Variants in VTI1A observed in about 807,000 individuals in gnomAD.
The protein encoded by VTI1A is vesicle transport through interaction with t-SNAREs homolog 1A.
A neutral mutation model predicts 34.9 loss-of-function variants in VTI1A; 22 were observed. The observed-to-expected ratio is 0.63, with a 90% CI of 0.45 to 0.90. The LOEUF is 0.90. Ranked by LOEUF, VTI1A falls within the 40% of genes least tolerant of loss-of-function variation. The pLI is 0.00. For synonymous variants in VTI1A, 87 were observed against 97.3 expected, an observed-to-expected ratio of 0.89 and a Z score of 0.62; for missense variants, 268 against 275.6, an observed-to-expected ratio of 0.97 and a Z score of 0.20.
At chr10:112,493,197 T>C (rs1848896109) in intron 3 of VTI1A, among the ~76,000 whole-genome samples, 1 of 152,212 alleles carries the variant, frequency 6.6e-6, no homozygotes, top group South Asian at 2.1e-4. Flanking sequence ...TTTGTGAAAT[T>C]TATTTCTAAA....
At chr10:112,764,630 G>A (rs929476489) in intron 7 of VTI1A, among the ~76,000 whole-genome samples, 8 of 152,140 alleles carry the variant, frequency 5.3e-5, no homozygotes, top group Non-Finnish European at 1.2e-4. Flanking sequence ...ATATATACCT[G>A]TATAAATATA....
chr10:112,623,149 T>C (rs1035181635), intron 5 of VTI1A, among the ~76,000 whole-genome samples: 1 of 152,204 alleles, frequency 6.6e-6, no homozygotes, highest in Non-Finnish European at 1.5e-5. Flanking sequence ...GCATGAGAGA[T>C]ATGTAGATCT....
intron 5 of VTI1A, among the ~76,000 whole-genome samples, chr10:112,618,908 A>C (rs1845625522): frequency 6.6e-6 from 1 of 152,122 alleles, no homozygotes; most frequent in South Asian, 2.1e-4. Context: ...GAGGAAATAC[A>C]TTGAAATTAC....
At chr10:112,711,210 A>G (rs192867988) in intron 7 of VTI1A, among the ~76,000 whole-genome samples, 1 of 152,354 alleles carries the variant, frequency 6.6e-6, no homozygotes, top group East Asian at 1.9e-4. Flanking sequence ...ATATCTAGTG[A>G]CATTAATTTG....
At chr10:112,576,112 C>T (rs1417221925) in intron 5 of VTI1A, among the ~76,000 whole-genome samples, 1 of 151,638 alleles carries the variant, frequency 6.6e-6, no homozygotes, top group East Asian at 1.9e-4. Flanking sequence ...GCTCCGCCTC[C>T]CGGGTTCACG....
intron 7 of VTI1A, among the ~76,000 whole-genome samples, chr10:112,733,095 T>C (rs888622969): frequency 3.9e-5 from 6 of 152,210 alleles, no homozygotes; most frequent in African/African-American, 1.2e-4. Flanking sequence ...CTTACTGGGA[T>C]TATCTGGGTT....
At chr10:112,532,548 A>G (rs1363639138) in intron 4 of VTI1A, among the ~76,000 whole-genome samples, 3 of 152,188 alleles carry the variant, frequency 2.0e-5, no homozygotes, top group African/African-American at 4.8e-5. Context: ...CCACACGTAC[A>G]CACAATGAGC....
intron 2 of VTI1A, among the ~76,000 whole-genome samples, chr10:112,464,066 T>C (rs926204391): frequency 1.8e-4 from 27 of 152,346 alleles, no homozygotes; most frequent in African/African-American, 6.0e-4. Context: ...TGGTGCAATC[T>C]CAGCTCACTG....
the VTI1A span, chr10:112,823,970 A>G: frequency 1.3e-5 from 2 of 152,256 alleles, no homozygotes; most frequent in African/African-American, 4.8e-5. Context: ...GATTTGCTTA[A>G]TGGCACCTAG....
rs376555808 is a variant in VTI1A, at chr10:112,486,689, T to TAGAATATACAACTGTATATTCTAA, written c.264+22044_264+22067dup. ...TTCTTAAGAATATACAACTTATATT[T>TAGAATATACAACTGTATATTCTAA]AGAATATACAACTGTATATTCTAAA... On this transcript the variant is annotated intron_variant, in intron 3 of 7. Coordinates refer to ENST00000393077, the MANE Select transcript of VTI1A (RefSeq NM_145206.4). Among the ~76,000 whole-genome samples the TAGAATATACAACTGTATATTCTAA allele has an allele frequency of 2.2e-3, 322 of 148,930 alleles. 8 individuals carry two copies. In the East Asian group the frequency reaches 0.046, roughly 21 times the overall value.
the VTI1A span, among the ~76,000 whole-genome samples, chr10:112,839,261 G>GCAAGC: frequency 5.3e-5 from 8 of 152,232 alleles, no homozygotes; most frequent in Admixed American, 5.2e-4. Context: ...CTGACAACCC[G>GCAAGC]CAAGCAATCG....
At chr10:112,623,769 T>C (rs941436914) in intron 5 of VTI1A, among the ~76,000 whole-genome samples, 4 of 152,200 alleles carry the variant, frequency 2.6e-5, no homozygotes, top group East Asian at 1.9e-4. Context: ...AAAAAAATAC[T>C]GCGAGGGTTT....
chr10:112,566,206 GTTA>G (rs963583542), intron 5 of VTI1A, among the ~76,000 whole-genome samples: 34 of 152,046 alleles, frequency 2.2e-4, no homozygotes, highest in South Asian at 2.1e-4. Context: ...GAACTGATTT[GTTA>G]TTATTATTAC....
rs569345979 is a variant in VTI1A, at chr10:112,630,388, C to A, written c.428-37830C>A. On this transcript the variant is annotated intron_variant, in intron 5 of 7. Coordinates refer to ENST00000393077, the MANE Select transcript of VTI1A (RefSeq NM_145206.4). ...CTGAGGAAATTTTAGGTATGCTCTC[C>A]AGGAAAATATTACACTTGGGGGTGC... Among the ~76,000 whole-genome samples, 4 of 152,266 alleles carry A rather than the reference C, an allele frequency of 2.6e-5. No individual in the cohort carries two copies. The South Asian group carries it at 8.3e-4, about 32-fold the overall frequency.
chr10:112,799,326 A>G lies in VTI1A; in HGVS notation c.561-15964A>G, dbSNP rs558324150. The stretch of plus-strand genomic sequence containing the variant: ...AAGGCCCACAGGGTGAGTCTACCCC[A>G]CAGATGTGCTTTCTTTGGCCATCCA... On this transcript the variant is annotated intron_variant, in intron 7 of 7. Transcript: ENST00000393077. Among the ~76,000 whole-genome samples the G allele has an allele frequency of 2.6e-5, 4 of 152,316 alleles. No homozygotes were observed. The South Asian group carries it at 8.3e-4, about 32-fold the overall frequency.
intron 3 of VTI1A, among the ~76,000 whole-genome samples, chr10:112,513,164 C>T (rs886261262): frequency 4.0e-5 from 6 of 151,884 alleles, no homozygotes; most frequent in African/African-American, 1.2e-4. Context: ...TCTTCTAGTC[C>T]GTGAACACAG....
chr10:112,577,016 C>A (rs775329598), intron 5 of VTI1A, among the ~76,000 whole-genome samples: 1 of 152,176 alleles, frequency 6.6e-6, no homozygotes, highest in Non-Finnish European at 1.5e-5. Flanking sequence ...TATAAGGTCA[C>A]AATCCACAGT....
chr10:112,548,517 A>G, intron 5 of VTI1A: 1 of 598,350 alleles, frequency 1.7e-6, no homozygotes, highest in South Asian at 2.3e-5. Context: ...GTCTTTTACT[A>G]CTAAACTTAA....
At chr10:112,834,219 C>T in the VTI1A span, among the ~76,000 whole-genome samples, 15,215 of 152,136 alleles carry the variant, frequency 0.1, 802 homozygotes, top group South Asian at 0.14. Flanking sequence ...CAGCCTCGAC[C>T]AGCCCACACC....
Sources: allele counts gnomAD v4.1 joint callset (sites outside exome capture counted in the v4.1 genomes callset), GRCh38; gene constraint gnomAD v4.1.1; transcripts MANE v1.5; gene names NCBI Gene and HGNC (gene_info 2026-07-23, HGNC 2026-07-21).